The following ARHGAP9 variants were observed in gnomAD, a reference collection of about 807,000 sequenced individuals.
ARHGAP9 encodes rho GTPase-activating protein 9.
Under a neutral mutation model 87.3 loss-of-function variants are expected in ARHGAP9, and 76 were observed. The observed-to-expected ratio is 0.87, with a 90% CI of 0.72 to 1.05. The LOEUF is 1.05. ARHGAP9 is among the 50% of genes least tolerant of loss of function. The probability of loss-of-function intolerance (pLI) is 0.00; values close to 1 mark genes in which losing one functional copy is unlikely to be tolerated. For synonymous variants in ARHGAP9, 382 were observed against 394.9 expected (o/e 0.97, Z 0.39); for missense variants, 941 against 960.5 (o/e 0.98, Z 0.27).
upstream of ARHGAP9, among the ~76,000 whole-genome samples, chr12:57,484,835 AG>A (rs1437315834): frequency 6.6e-6 from 1 of 150,468 alleles, no homozygotes; most frequent in Non-Finnish European, 1.5e-5. Flanking sequence ...TAGTAGAGAC[AG>A]GGTTTCACTA....
intron 17 of ARHGAP9, 118 bp downstream of exon 17, chr12:57,473,485 C>T (rs1872537208): frequency 1.2e-6 from 1 of 841,266 alleles, no homozygotes; most frequent in Non-Finnish European, 2.0e-6. Flanking sequence ...TGCCTGCTTC[C>T]TCACCTGCCC....
At chr12:57,485,550 C>A (rs1312529876) in intron 1 of ARHGAP9, among the ~76,000 whole-genome samples, 1 of 78,408 alleles carries the variant, frequency 1.3e-5, no homozygotes. Flanking sequence ...GAGTAAGACT[C>A]CATCTGAAAA....
intron 9 of ARHGAP9, 35 bp downstream of exon 9, chr12:57,476,036 G>T: frequency 6.6e-7 from 1 of 1,511,522 alleles, no homozygotes; most frequent in East Asian, 2.5e-5. Flanking sequence ...CCTCGGGTCG[G>T]GTGGGGCCTT....
Position 57,477,529 on chromosome 12 carries a change from C to A in ARHGAP9, c.686G>T (p.Arg229Leu). ...AGTCAGTGAATTTATGTAGAAGCAG[C>A]GTCCAGAGTTGGGGTCCAGGTGCTG... ...WEQHLDPNSG[R>L]CFYINSLTGC... The change falls in exon 4 of 18, where the codon CGC becomes CTC. Residue 229 changes from arginine to leucine, a missense_variant. Transcript: ENST00000393791. 1 of 1,614,050 alleles carries A rather than the reference C, an allele frequency of 6.2e-7. No homozygotes were observed. Among genetic ancestry groups the A allele is most frequent in the African/African-American group, 1.3e-5 (1 of 75,020 alleles).
chr12:57,474,764 A>G (rs1326654904), intron 13 of ARHGAP9, 61 bp from the exon 14 acceptor site: 2 of 1,608,434 alleles, frequency 1.2e-6, no homozygotes, highest in Non-Finnish European at 1.7e-6. Flanking sequence ...GGTGAGGGAT[A>G]TAAGGGTGGA....
At chr12:57,476,823 G>T (rs757050670) in intron 6 of ARHGAP9, 48 bp downstream of exon 6, 6 of 1,526,226 alleles carry the variant, frequency 3.9e-6, no homozygotes, top group Non-Finnish European at 5.4e-6. Flanking sequence ...AAAGGGGGGA[G>T]GGGGGGCAGG....
chr12:57,473,531 T>G, intron 17 of ARHGAP9, 72 bp downstream of exon 17: 1 of 1,418,476 alleles, frequency 7.0e-7, no homozygotes. Context: ...TCACTCCACC[T>G]GCACAGAGTC....
In ARHGAP9 at chr12:57,479,289, C is replaced by T; in HGVS notation, c.118G>A (p.Gly40Ser). The change falls in exon 2 of 18, where the codon GGC (glycine) becomes AGC (serine). Residue 40 changes from glycine (G) to serine (S), a missense_variant. Gly to Ser is a moderately conservative substitution (Grantham distance 56). Coordinates refer to ENST00000393791, the MANE Select transcript of ARHGAP9 (RefSeq NM_032496.4). The part of the protein sequence containing the change: ...LYAFTYTGAD[G>S]QQVSLAEGDR... ...CCTTCAGCCAGAGACACCTGCTGGC[C>T]ATCTGCCCCAGTATAAGTAAAGGCA... 1 of 1,614,236 alleles carries T rather than the reference C, an allele frequency of 6.2e-7. No homozygotes were observed. Among genetic ancestry groups the T allele is most frequent in the East Asian group, 2.2e-5 (1 of 44,880 alleles).
chr12:57,476,839 T>C (rs1291091395), intron 6 of ARHGAP9, 32 bp downstream of exon 6: 1 of 1,586,750 alleles, frequency 6.3e-7, no homozygotes, highest in Admixed American at 1.7e-5. Context: ...GCAGGGAGGA[T>C]CTTGGCCTTC....
chr12:57,480,905 C>G, upstream of ARHGAP9: 1 of 1,456,144 alleles, frequency 6.9e-7, no homozygotes, highest in African/African-American at 1.4e-5. Context: ...AGAGCCAGCT[C>G]TCTTCCCCTG....
chr12:57,475,074 T>A, intron 12 of ARHGAP9, 101 bp from the exon 13 acceptor site: 3 of 1,301,210 alleles, frequency 2.3e-6, no homozygotes, highest in Non-Finnish European at 3.2e-6. Context: ...TCCTCCTGGC[T>A]GCCTGTGCCA....
chr12:57,478,638 C>T lies in ARHGAP9; in HGVS notation c.436G>A (p.Asp146Asn). ...PRKMCRSVST[D>N]NLSPSLLKPF... ...TTCAGAAGGCTGGGGCTCAGATTGT[C>T]AGTGCTGACGCTCCTACACATTTTG... Residue 146 changes from aspartate to asparagine, a missense_variant, in exon 3 of 18, where the codon GAC becomes AAC. Coordinates refer to ENST00000393791, the MANE Select transcript of ARHGAP9 (RefSeq NM_032496.4). 1 of 1,614,116 alleles carries T rather than the reference C, an allele frequency of 6.2e-7. No homozygotes were observed. Among genetic ancestry groups the T allele is most frequent in the South Asian group, 1.1e-5 (1 of 91,080 alleles).
intron 1 of ARHGAP9, chr12:57,488,203 C>T (rs1229983707): frequency 2.5e-6 from 4 of 1,608,274 alleles, no homozygotes; most frequent in Non-Finnish European, 3.4e-6. Context: ...CCGGAAGGTA[C>T]TCGTGCTGGT....
rs761470752 is a variant in ARHGAP9, at chr12:57,479,756, G to T, written c.-45C>A. The T allele has an allele frequency of 1.3e-6, 2 of 1,550,582 alleles. No homozygotes were observed. Among genetic ancestry groups the T allele is most frequent in the African/African-American group, 2.7e-5 (2 of 73,032 alleles). On this transcript the variant is annotated 5_prime_UTR_variant, in exon 1 of 18. Coordinates refer to ENST00000393791, the MANE Select transcript of ARHGAP9 (RefSeq NM_032496.4). ...TTGTGGGGCCCATCAGAAGATTCAG[G>T]AGCAGGAGTTGGTCCTGGGTAGTGG...
rs750317066 is a variant in ARHGAP9 at position 57,476,396 on chromosome 12, C to G, written c.1084G>C (p.Glu362Gln). The stretch of plus-strand genomic sequence containing the variant: ...GAGGAGGGCGCTGTCGGCGGTGGCT[C>G]TCGGTAGAACACCAGGCTGTTACCC... The part of the protein sequence containing the change: ...LTGNSLVFYR[E>Q]PPPTAPSSGW... The change falls in exon 8 of 18, where the codon GAG (glutamate) becomes CAG (glutamine). Residue 362 changes from glutamate to glutamine, a missense_variant. Glu to Gln is a conservative substitution (Grantham distance 29, BLOSUM62 2). Coordinates refer to ENST00000393791, the MANE Select transcript of ARHGAP9 (RefSeq NM_032496.4). 1 of 1,614,068 alleles carries G rather than the reference C, an allele frequency of 6.2e-7. No homozygotes were observed. The highest frequency in any genetic ancestry group is 1.1e-5 in the South Asian group (1 of 91,076).
intron 1 of ARHGAP9, 61 bp downstream of exon 1, chr12:57,479,669 A>C: frequency 6.4e-7 from 1 of 1,550,688 alleles, no homozygotes; most frequent in Non-Finnish European, 8.7e-7. Flanking sequence ...GCAGGGCTGC[A>C]TGGCCAGCAA....
chr12:57,484,053 A>AT (rs1282905938), upstream of ARHGAP9: 10 of 270,542 alleles, frequency 3.7e-5, 1 homozygote, highest in African/African-American at 7.1e-5. Context: ...AAAAAAAAAA[A>AT]AAAAAAAAAA....
Position 57,474,932 on chromosome 12 carries a change from C to T in ARHGAP9, c.1594G>A (p.Glu532Lys), listed in dbSNP as rs1326223719. The T allele has an allele frequency of 1.9e-5, 30 of 1,614,158 alleles. No individual in the cohort carries two copies. Among genetic ancestry groups the T allele is most frequent in the Non-Finnish European group, 2.5e-5 (30 of 1,180,034 alleles). ...GCQLESLCQR[E>K]GDTVPSFLRL... Reference sequence around the variant, plus strand: ...AAAAAGCTGGGCACCGTGTCTCCTTCCCGCTGGCAGAGTGATTCCAACTGG... The same window carrying T: ...AAAAAGCTGGGCACCGTGTCTCCTTTCCGCTGGCAGAGTGATTCCAACTGG... The change falls in exon 13 of 18, where the codon GAA becomes AAA. Residue 532 changes from glutamate (E) to lysine (K), a missense_variant. By Grantham distance (56) the Glu-to-Lys change is moderately conservative (BLOSUM62 1). Coordinates refer to ENST00000393791, the MANE Select transcript of ARHGAP9 (RefSeq NM_032496.4).
intron 12 of ARHGAP9, 105 bp from the exon 13 acceptor site, chr12:57,475,078 T>A: frequency 1.6e-6 from 2 of 1,279,530 alleles, no homozygotes; most frequent in Non-Finnish European, 2.2e-6. Context: ...CCTGGCTGCC[T>A]GTGCCAGGCC....
Sources: allele counts gnomAD v4.1 joint callset (sites outside exome capture counted in the v4.1 genomes callset), GRCh38; gene constraint gnomAD v4.1.1; transcripts MANE v1.5; gene names NCBI Gene and HGNC (gene_info 2026-07-23, HGNC 2026-07-21).